The following EFHC2 variants were observed in gnomAD, a reference collection of about 807,000 sequenced individuals.
EFHC2 encodes EF-hand domain-containing family member C2.
Under a neutral mutation model 52.7 loss-of-function variants are expected in EFHC2, and 18 were observed. The observed-to-expected ratio is 0.34, with a 90% CI of 0.24 to 0.51. EFHC2 has a LOEUF of 0.51. EFHC2 is among the 20% of genes least tolerant of loss of function. EFHC2 has a pLI of 0.97. For missense variants in EFHC2, 513 were observed against 562.5 expected (o/e 0.91, Z 0.89); for synonymous variants, 203 against 204.1 (o/e 0.99, Z 0.04).
chrX:44,300,527 T>G (rs772817314), intron 2 of EFHC2, among the ~76,000 whole-genome samples: 2 of 112,108 alleles, frequency 1.8e-5, no homozygotes, highest in Non-Finnish European at 3.8e-5. Flanking sequence ...GAAAGAGATC[T>G]GACCTAACCA....
intron 13 of EFHC2, among the ~76,000 whole-genome samples, chrX:44,174,132 T>C (rs1161955733): frequency 1.8e-5 from 2 of 112,061 alleles, no homozygotes; most frequent in East Asian, 5.6e-4. Flanking sequence ...CTCAATCAAT[T>C]CTTTGCACCA....
intron 4 of EFHC2, among the ~76,000 whole-genome samples, chrX:44,258,536 T>G (rs1393124649): frequency 9.0e-6 from 1 of 110,902 alleles, no homozygotes; most frequent in African/African-American, 3.3e-5. Context: ...AAGTTCATCA[T>G]CACTGGTCAT....
At chrX:44,249,996 G>A (rs1235806389) in intron 5 of EFHC2, among the ~76,000 whole-genome samples, 198 bp downstream of exon 5, 1 of 112,557 alleles carries the variant, frequency 8.9e-6, no homozygotes, top group East Asian at 2.8e-4. Context: ...TAACTTCAAT[G>A]TTCCAACTCT....
At chrX:44,222,207 G>A (rs913866963) in intron 11 of EFHC2, among the ~76,000 whole-genome samples, 1 of 110,963 alleles carries the variant, frequency 9.0e-6, no homozygotes, top group African/African-American at 3.3e-5. Flanking sequence ...TACTGGGGTA[G>A]GTATGTAAGA....
At chrX:44,246,941 C>T (rs1019573431) in intron 7 of EFHC2, among the ~76,000 whole-genome samples, 29 of 111,662 alleles carry the variant, frequency 2.6e-4, no homozygotes, top group African/African-American at 8.8e-4. Flanking sequence ...ACACTAAAGA[C>T]GGATTCCAAA....
At chrX:44,312,441 A>C in intron 2 of EFHC2, 127 bp downstream of exon 2, 1 of 469,613 alleles carries the variant, frequency 2.1e-6, no homozygotes, top group East Asian at 4.3e-5. Context: ...AATAATAAGT[A>C]GAAAAGGCAA....
chrX:44,206,158 A>G (rs2037046798), intron 11 of EFHC2, among the ~76,000 whole-genome samples: 1 of 112,032 alleles, frequency 8.9e-6, no homozygotes, highest in Non-Finnish European at 1.9e-5. Context: ...GCAAAAAATT[A>G]TTTGAAACAA....
intron 1 of EFHC2, among the ~76,000 whole-genome samples, chrX:44,316,704 C>T (rs766437704): frequency 9.0e-6 from 1 of 111,229 alleles, no homozygotes; most frequent in South Asian, 3.8e-4. Context: ...AACAGAGAAA[C>T]CCAGAGAATG....
chrX:44,253,782 G>C (rs1048499152), intron 4 of EFHC2, among the ~76,000 whole-genome samples: 1 of 112,222 alleles, frequency 8.9e-6, no homozygotes, highest in African/African-American at 3.2e-5. Context: ...CTAAAGGACA[G>C]ATTGCCTCCT....
chrX:44,324,075 C>T (rs956563202), intron 1 of EFHC2, among the ~76,000 whole-genome samples: 3 of 111,223 alleles, frequency 2.7e-5, no homozygotes, highest in African/African-American at 9.8e-5. Context: ...GCTTAGGAAT[C>T]ACGCAGCCTG....
At chrX:44,228,729 T>G (rs1401605784) in intron 11 of EFHC2, among the ~76,000 whole-genome samples, 1 of 111,372 alleles carries the variant, frequency 9.0e-6, no homozygotes, top group East Asian at 2.8e-4. Flanking sequence ...CAGGTAGTGA[T>G]GCAATAGGCG....
intron 2 of EFHC2, chrX:44,310,248 G>C (rs2037937330): frequency 3.1e-6 from 3 of 960,063 alleles, no homozygotes; most frequent in Non-Finnish European, 4.4e-6. Context: ...AAAGCGGCAA[G>C]GGTTTCCTCT....
At chrX:44,277,893 T>G (rs1456185152) in intron 2 of EFHC2, among the ~76,000 whole-genome samples, 1 of 110,013 alleles carries the variant, frequency 9.1e-6, no homozygotes, top group Non-Finnish European at 1.9e-5. Flanking sequence ...TGTAATAAAT[T>G]TATATAAAAG....
In EFHC2 at chrX:44,167,727, G is replaced by A. The variant is rs139371909; in HGVS notation, c.2043-3700C>T. Among the ~76,000 whole-genome samples the A allele has an allele frequency of 3.4e-3, 383 of 111,834 alleles. 2 individuals are homozygous for A. Among genetic ancestry groups the A allele is most frequent in the African/African-American group, 0.012 (371 of 30,717 alleles). ...ACTCCAAGTTTTCCTTTTCAGTTCT[G>A]TCTTAGAGGATCTCAGTGTGTGTGG... On this transcript the variant is annotated intron_variant, in intron 13 of 14. Transcript: ENST00000420999.
rs1300628240 is a variant in EFHC2, at chrX:44,152,759, A to T, written c.2149-3863T>A. Among the ~76,000 whole-genome samples the T allele has an allele frequency of 6.1e-5, 6 of 98,877 alleles. No individual in the cohort carries two copies. The East Asian group carries it at 1.8e-3, about 30-fold the overall frequency. 85.9% of individuals were successfully genotyped at this position (98,877 alleles called of 115,157 possible). On this transcript the variant is annotated intron_variant, in intron 14 of 14. Coordinates refer to ENST00000420999, the MANE Select transcript of EFHC2 (RefSeq NM_025184.4). ...ACACACACACACACACACACACAAA[A>T]CAATATATTTTAATCAATGAAGGCT... is the stretch of plus-strand genomic sequence containing the variant.
rs1033510752 is a variant in EFHC2, at chrX:44,275,863, G to A, written c.232-3027C>T. Among the ~76,000 whole-genome samples the A allele has an allele frequency of 9.5e-5, 10 of 105,785 alleles. No individual in the cohort carries two copies. The East Asian group carries it at 3.0e-3, about 31-fold the overall frequency. 91.9% of individuals were successfully genotyped at this position (105,785 alleles called of 115,157 possible). On this transcript the variant is annotated intron_variant, in intron 2 of 14. Coordinates refer to ENST00000420999, the MANE Select transcript of EFHC2 (RefSeq NM_025184.4). Reference sequence around the variant, plus strand: ...CGGGAGGTGGAGGTTGCAGTGAGCCGAGATGGTGCCACTGCACTCCAGCCT... The same window carrying A: ...CGGGAGGTGGAGGTTGCAGTGAGCCAAGATGGTGCCACTGCACTCCAGCCT...
At chrX:44,211,828 C>T (rs896517717) in intron 11 of EFHC2, among the ~76,000 whole-genome samples, 1 of 93,512 alleles carries the variant, frequency 1.1e-5, no homozygotes, top group Non-Finnish European at 2.1e-5. Context: ...GCCGAGATCA[C>T]GCCACTCCAG....
In EFHC2 at chrX:44,309,705, G is replaced by A. The variant is rs926796526; in HGVS notation, c.231+2863C>T. 5.6e-5 allele frequency: 58 copies of A among 1,029,839 alleles called. No homozygotes were observed. In the African/African-American group the frequency reaches 8.6e-4, roughly 15 times the overall value. 84.9% of individuals were successfully genotyped at this position (1,029,839 alleles called of 1,213,427 possible). A position where few individuals can be genotyped will look rare whatever the true frequency, so the allele number is the denominator to read the frequency against. On this transcript the variant is annotated intron_variant, in intron 2 of 14. Transcript: ENST00000420999. ...CCTCTTCTCTGCTAATAAGTTCATT[G>A]GAAAACGTGAGGCCAGGCATCGGTC...
chrX:44,263,229 G>A (rs2037554196), intron 3 of EFHC2, among the ~76,000 whole-genome samples: 1 of 112,046 alleles, frequency 8.9e-6, no homozygotes, highest in Non-Finnish European at 1.9e-5. Flanking sequence ...TCTGCATGGA[G>A]GTATTTTAAT....
Sources: allele counts gnomAD v4.1 joint callset (sites outside exome capture counted in the v4.1 genomes callset), GRCh38; gene constraint gnomAD v4.1.1; transcripts MANE v1.5; gene names NCBI Gene and HGNC (gene_info 2026-07-23, HGNC 2026-07-21).